Variants in OLFM1 observed in about 807,000 individuals in gnomAD.
OLFM1 encodes olfactomedin 1, also known as noelin.
A neutral mutation model predicts 49.7 loss-of-function variants in OLFM1; 9 were observed. That is an observed-to-expected ratio of 0.18 (90% CI 0.11 to 0.32). The LOEUF (loss-of-function observed/expected upper bound fraction) is 0.32, where lower values mean the gene tolerates loss of function less well. Among genes scored for constraint, OLFM1 ranks in the 10% least tolerant of loss-of-function variants. The pLI, the probability that OLFM1 is intolerant of heterozygous loss-of-function variation, is 1.00. For synonymous variants in OLFM1, 240 were observed against 271.8 expected (o/e 0.88, Z 1.15); for missense variants, 369 against 661.8 (o/e 0.56, Z 4.85).
chr9:135,120,226 C>G lies in OLFM1; in HGVS notation c.*48C>G. ...GGCCCACGTCCTCACCACAAAGGGA[C>G]TCCTGTGAAACTGCTGCCAAAAAGA... On this transcript the variant is annotated 3_prime_UTR_variant, in exon 6 of 6. Transcript: ENST00000371793. 1 of 1,498,380 alleles carries G rather than the reference C, an allele frequency of 6.7e-7. No individual in the cohort carries two copies. 92.8% of individuals were successfully genotyped at this position (1,498,380 alleles called of 1,614,324 possible). A position where few individuals can be genotyped will look rare whatever the true frequency, so the allele number is the denominator to read the frequency against.
Position 135,097,942 on chromosome 9 carries a change from G to C in OLFM1, c.457-344G>C, listed in dbSNP as rs955419948. On this transcript the variant is annotated intron_variant, in intron 3 of 5. Coordinates refer to ENST00000371793, the MANE Select transcript of OLFM1 (RefSeq NM_001282611.2). The stretch of plus-strand genomic sequence containing the variant: ...ACTAAGGAACCTTGAATACAACCAG[G>C]ATCCTCCTTTGCATGCGACTGTAGC... 66 of 1,469,240 alleles carry C rather than the reference G, an allele frequency of 4.5e-5. 1 individual carries two copies. The highest frequency in any genetic ancestry group is 1.2e-5 in the Non-Finnish European group (13 of 1,118,124). The allele number at this position is 1,469,240 out of a possible 1,614,324, so 91.0% of individuals were successfully genotyped here.
chr9:135,076,882 C>T, intron 1 of OLFM1: 3 of 1,550,648 alleles, frequency 1.9e-6, no homozygotes, highest in Middle Eastern at 1.7e-4. Flanking sequence ...GGAGAGAAGA[C>T]ACTGAACGAG....
At chr9:135,108,645 AC>A (rs926195760) in intron 5 of OLFM1, among the ~76,000 whole-genome samples, 5 of 151,678 alleles carry the variant, frequency 3.3e-5, no homozygotes, top group African/African-American at 1.2e-4. Flanking sequence ...AAAAAAAAAA[AC>A]AAAAAAAACA....
chr9:135,087,840 C>T lies in OLFM1; in HGVS notation c.-150C>T, dbSNP rs1431862350. Reference sequence around the variant, plus strand: ...GCGATGGCCGGGGCGCGCGGGGCGGCGGCGGCGGCGGGCGGGCGGCGGCGG... The same window carrying T: ...GCGATGGCCGGGGCGCGCGGGGCGGTGGCGGCGGCGGGCGGGCGGCGGCGG... On this transcript the variant is annotated 5_prime_UTR_variant, in exon 1 of 6. Coordinates refer to ENST00000371793, the MANE Select transcript of OLFM1 (RefSeq NM_001282611.2). 2 of 929,360 alleles carry T rather than the reference C, an allele frequency of 2.2e-6. No homozygotes were observed. The highest frequency in any genetic ancestry group is 2.6e-6 in the Non-Finnish European group (2 of 781,924). 57.6% of individuals were successfully genotyped at this position (929,360 alleles called of 1,614,324 possible). A position where few individuals can be genotyped will look rare whatever the true frequency, so the allele number is the denominator to read the frequency against.
chr9:135,085,932 A>T (rs1258852833), upstream of OLFM1, among the ~76,000 whole-genome samples: 1 of 152,256 alleles, frequency 6.6e-6, no homozygotes, highest in Non-Finnish European at 1.5e-5. Context: ...AGGTTAGAGC[A>T]GTCCAAGTGC....
chr9:135,106,233 T>A (rs1028768682), intron 4 of OLFM1: 1 of 154,110 alleles, frequency 6.5e-6, no homozygotes, highest in African/African-American at 2.4e-5. Flanking sequence ...CCGGGGCGGC[T>A]GGTGGTGCTG....
At chr9:135,109,528 G>A (rs527420438) in intron 5 of OLFM1, among the ~76,000 whole-genome samples, 1 of 152,240 alleles carries the variant, frequency 6.6e-6, no homozygotes, top group East Asian at 1.9e-4. Context: ...CCCGGAGCCT[G>A]CTCAGAGCAC....
rs757161609 is a variant in OLFM1, at chr9:135,098,297, G to A, written c.468G>A (p.Ala156=). The stretch of plus-strand genomic sequence containing the variant: ...TTTTAACCTTGCAGGCGATAAAAGC[G>A]AAAATGGATGAACTTAGGCCTTTGA... ...HLARQFKAIK[A]KMDELRPLIP... is the part of the protein sequence containing the mutation. The change falls in exon 4 of 6, where the codon GCG becomes GCA. Residue 156 remains alanine, a synonymous_variant. Transcript: ENST00000371793. The surrounding 1 kb of genome is among the most constrained non-coding windows in gnomAD (Gnocchi z 5.6). 1.9e-5 allele frequency: 30 copies of A among 1,613,520 alleles called. No individual in the cohort carries two copies. Among genetic ancestry groups the A allele is most frequent in the African/African-American group, 4.0e-5 (3 of 74,938 alleles).
At chr9:135,091,645 T>TCACACACTCA (rs747119783) in intron 2 of OLFM1, among the ~76,000 whole-genome samples, 25 of 5,340 alleles carry the variant, frequency 4.7e-3, no homozygotes, top group South Asian at 0.042. Flanking sequence ...TCACACACAC[T>TCACACACTCA]CACATAGTCA....
At chr9:135,108,748 C>T (rs1830981763) in intron 5 of OLFM1, among the ~76,000 whole-genome samples, 2 of 152,328 alleles carry the variant, frequency 1.3e-5, no homozygotes, top group South Asian at 2.1e-4. Context: ...GGCCTTCATG[C>T]AGCCATCTGC....
chr9:135,084,738 C>T (rs895993184), upstream of OLFM1, among the ~76,000 whole-genome samples: 1 of 152,180 alleles, frequency 6.6e-6, no homozygotes, highest in Non-Finnish European at 1.5e-5. The surrounding 1 kb of genome is among the most constrained non-coding windows in gnomAD (Gnocchi z 4.6). Flanking sequence ...CCCTTGAGGG[C>T]ATCCTTTGCC....
chr9:135,120,101 C>T lies in OLFM1; in HGVS notation c.1381C>T (p.Leu461=), dbSNP rs1245944316. The part of the protein sequence containing the change: ...MLDYNPKDRA[L]YAWNNGHQIL... ...GGACTACAACCCCAAGGACCGGGCC[C>T]TGTATGCCTGGAACAACGGCCACCA... Residue 461 remains leucine (L), a synonymous_variant, in exon 6 of 6, where the codon CTG becomes TTG. Coordinates refer to ENST00000371793, the MANE Select transcript of OLFM1 (RefSeq NM_001282611.2). 1 of 1,613,980 alleles carries T rather than the reference C, an allele frequency of 6.2e-7. No individual in the cohort carries two copies. Among genetic ancestry groups the T allele is most frequent in the Non-Finnish European group, 8.5e-7 (1 of 1,180,018 alleles).
chr9:135,107,608 G>A lies in OLFM1; in HGVS notation c.783+753G>A, dbSNP rs555293013. ...AAGTGAGCACCCTCTGAAGGCTCTC[G>A]ATGGGGGAGGGAAGCTGTCAGGGCT... On this transcript the variant is annotated intron_variant, in intron 5 of 5. Transcript: ENST00000371793. Among the ~76,000 whole-genome samples the A allele has an allele frequency of 2.6e-5, 4 of 152,304 alleles. No individual in the cohort carries two copies. The South Asian group carries it at 8.3e-4, about 32-fold the overall frequency.
intron 3 of OLFM1, among the ~76,000 whole-genome samples, chr9:135,096,858 T>G (rs758288169): frequency 2.6e-5 from 4 of 152,178 alleles, no homozygotes; most frequent in Non-Finnish European, 2.9e-5. Context: ...TCGTGGGAAG[T>G]GTTCTGCTTC....
chr9:135,108,113 G>A (rs1261661569), intron 5 of OLFM1, among the ~76,000 whole-genome samples: 2 of 152,248 alleles, frequency 1.3e-5, no homozygotes, highest in African/African-American at 4.8e-5. Context: ...TACAATTGGT[G>A]TTGGGTGTTT....
At chr9:135,099,600 C>T (rs1830843786) in intron 4 of OLFM1, among the ~76,000 whole-genome samples, 1 of 152,202 alleles carries the variant, frequency 6.6e-6, no homozygotes, top group African/African-American at 2.4e-5. Context: ...AAACGCTCTT[C>T]TAGGTGTCCT....
At chr9:135,108,669 T>G (rs1038142523) in intron 5 of OLFM1, among the ~76,000 whole-genome samples, 4 of 151,532 alleles carry the variant, frequency 2.6e-5, no homozygotes, top group African/African-American at 4.8e-5. Flanking sequence ...GAGTGTGTCC[T>G]GTGTGCAGGT....
chr9:135,094,624 G>A (rs1021355133), intron 2 of OLFM1, among the ~76,000 whole-genome samples: 17 of 152,272 alleles, frequency 1.1e-4, no homozygotes, highest in African/African-American at 3.4e-4. Flanking sequence ...ATGAGTTTGT[G>A]TGTGTTACTT....
At chr9:135,101,946 T>A (rs1830876090) in intron 4 of OLFM1, among the ~76,000 whole-genome samples, 1 of 152,166 alleles carries the variant, frequency 6.6e-6, no homozygotes, top group Non-Finnish European at 1.5e-5. Flanking sequence ...GCTTCCTTAG[T>A]TTCTTTTTTT....
Sources: allele counts gnomAD v4.1 joint callset (sites outside exome capture counted in the v4.1 genomes callset), GRCh38; gene constraint gnomAD v4.1.1; non-coding constraint Gnocchi (gnomAD v3.1); transcripts MANE v1.5; gene names NCBI Gene and HGNC (gene_info 2026-07-23, HGNC 2026-07-21).